The following ZNF786 variants were observed in gnomAD, a reference collection of about 807,000 sequenced individuals.
ZNF786 encodes the protein zinc finger protein 786.
ZNF786 carries 56 observed loss-of-function variants against 63.1 expected under a neutral mutation model. That is an observed-to-expected ratio of 0.89 (90% CI 0.72 to 1.11). The LOEUF (loss-of-function observed/expected upper bound fraction) is 1.11. Ranked by LOEUF, ZNF786 falls within the 50% of genes least tolerant of loss-of-function variation. The pLI, the probability that ZNF786 is intolerant of heterozygous loss-of-function variation, is 0.00. For missense variants in ZNF786, 1,213 were observed against 1,041.8 expected, an observed-to-expected ratio of 1.16 and a Z score of -2.26; for synonymous variants, 485 against 406.9, an observed-to-expected ratio of 1.19 and a Z score of -2.31.
Position 149,074,415 on chromosome 7 carries a change from T to C in ZNF786, c.269A>G (p.Asp90Gly). 6.2e-7 allele frequency: 1 copy of C among 1,613,868 alleles called. No individual in the cohort carries two copies. Among genetic ancestry groups the C allele is most frequent in the Non-Finnish European group, 8.5e-7 (1 of 1,179,836 alleles). The change falls in exon 3 of 4, where the codon GAT (aspartate) becomes GGT (glycine). Residue 90 changes from aspartate (D) to glycine (G), a missense_variant. Transcript: ENST00000491431. ...AAACAGCTGTTCCTCAAAACCTGGATCAAAATGCATATCAACAGAGGAGCA... is the reference window on the plus strand; with the variant it reads ...AAACAGCTGTTCCTCAAAACCTGGACCAAAATGCATATCAACAGAGGAGCA... ...IICSSVDMHF[D>G]PGFEEQLFWG...
chr7:149,076,573 G>A (rs893227689), intron 2 of ZNF786, among the ~76,000 whole-genome samples: 4 of 151,406 alleles, frequency 2.6e-5, no homozygotes, highest in African/African-American at 9.7e-5. Flanking sequence ...ACAAAAGTTA[G>A]CTGGGTGTGG....
chr7:149,075,819 T>A (rs1055925497), intron 2 of ZNF786, among the ~76,000 whole-genome samples: 5 of 151,814 alleles, frequency 3.3e-5, no homozygotes, highest in African/African-American at 1.2e-4. Context: ...GGAGCCACCA[T>A]GCTCAGCTAA....
At chr7:149,082,594 T>A in intron 1 of ZNF786, 3 of 618,184 alleles carry the variant, frequency 4.9e-6, no homozygotes, top group Non-Finnish European at 6.1e-6. Context: ...AATTTTTTTT[T>A]TTTTTGAGAC....
intron 2 of ZNF786, among the ~76,000 whole-genome samples, chr7:149,078,319 G>C (rs1262686801): frequency 6.6e-6 from 1 of 152,090 alleles, no homozygotes; most frequent in African/African-American, 2.4e-5. Context: ...TGATTCTTCA[G>C]TAACAATGAA....
chr7:149,080,781 C>G (rs1825638832), intron 1 of ZNF786, 64 bp from the exon 2 acceptor site: 1 of 1,523,838 alleles, frequency 6.6e-7, no homozygotes, highest in South Asian at 1.3e-5. Context: ...AGCTCCTTCT[C>G]CTTGTTAATT....
chr7:149,086,774 C>T (rs1825746037), intron 1 of ZNF786, among the ~76,000 whole-genome samples: 1 of 151,852 alleles, frequency 6.6e-6, no homozygotes, highest in South Asian at 2.1e-4. Flanking sequence ...AGCACCAAGA[C>T]ATTCATGAGG....
chr7:149,072,022 G>A lies in ZNF786; in HGVS notation c.750C>T (p.Arg250=), dbSNP rs200734618. ...GATGGCGCAGCAGACACAGCTTCCG[G>A]CGGAAGCTCTTACCGCACACGCCAC... The part of the protein sequence containing the change: ...FRCGVCGKSF[R]RKLCLLRHLA... The change falls in exon 4 of 4, where the codon CGC becomes CGT. Residue 250 remains arginine, a synonymous_variant. Transcript: ENST00000491431. 91 of 1,613,112 alleles carry A rather than the reference G, an allele frequency of 5.6e-5. No homozygotes were observed. In the East Asian group the frequency reaches 2.0e-3, roughly 36 times the overall value.
rs1238986771 is a variant in ZNF786 at position 149,070,543 on chromosome 7, G to C, written c.2229C>G (p.Tyr743Ter). The C allele has an allele frequency of 6.2e-7, 1 of 1,614,044 alleles. No individual in the cohort carries two copies. The highest frequency in any genetic ancestry group is 8.5e-7 in the Non-Finnish European group (1 of 1,179,908). The change falls in exon 4 of 4, where the codon TAC becomes TAG. Residue 743 changes from tyrosine (Y) to a stop codon, truncating the protein, a stop_gained. Transcript: ENST00000491431. LOFTEE classifies it high-confidence loss of function. ...ACGDCGKGFIYKSKLAEHIRV... is the reference protein window; with the variant it reads ...ACGDCGKGFI The stretch of plus-strand genomic sequence containing the variant: ...TGATGTGCTCCGCAAGCTTAGACTT[G>C]TAAATGAAGCCCTTCCCACAATCGC...
intron 2 of ZNF786, among the ~76,000 whole-genome samples, chr7:149,075,280 T>C (rs926159927): frequency 3.9e-5 from 6 of 152,190 alleles, no homozygotes; most frequent in Admixed American, 2.0e-4. Flanking sequence ...TCTCACTCTG[T>C]CTCTCAGGCT....
intron 1 of ZNF786, among the ~76,000 whole-genome samples, chr7:149,085,406 C>CA (rs1825718783): frequency 6.6e-6 from 1 of 152,150 alleles, no homozygotes; most frequent in Non-Finnish European, 1.5e-5. Context: ...CCATCTCTAC[C>CA]AAAACAGTAA....
intron 1 of ZNF786, among the ~76,000 whole-genome samples, chr7:149,081,987 C>G (rs1209480670): frequency 6.6e-6 from 1 of 152,188 alleles, no homozygotes; most frequent in Non-Finnish European, 1.5e-5. Context: ...ATCAAGAACT[C>G]AGTACCTTTT....
At chr7:149,073,816 T>G in intron 3 of ZNF786, among the ~76,000 whole-genome samples, 1 of 140,818 alleles carries the variant, frequency 7.1e-6, no homozygotes. Flanking sequence ...AGACTGAGAC[T>G]TGCTCCATCG....
Position 149,072,072 on chromosome 7 carries a change from G to A in ZNF786, c.700C>T (p.Pro234Ser). ...CACCGGAAGTGCCTCTGTACCCGAG[G>A]GCTGCTCCACGGCATCTGCGTCTCC... ...RAETQMPWSSPRVQRHFRCGV... is the reference protein window; with the variant it reads ...RAETQMPWSSSRVQRHFRCGV... Residue 234 changes from proline to serine, a missense_variant, in exon 4 of 4, where the codon CCT becomes TCT. Physicochemically the swap from Pro to Ser is moderately conservative, Grantham distance 74. Coordinates refer to ENST00000491431, the MANE Select transcript of ZNF786 (RefSeq NM_152411.4). The A allele has an allele frequency of 6.2e-7, 1 of 1,613,328 alleles. No individual in the cohort carries two copies.
chr7:149,070,580 G>C lies in ZNF786; in HGVS notation c.2192C>G (p.Pro731Arg). 1.9e-6 allele frequency: 3 copies of C among 1,613,986 alleles called. No homozygotes were observed. Among genetic ancestry groups the C allele is most frequent in the South Asian group, 2.2e-5 (2 of 91,082 alleles). Residue 731 changes from proline (P) to arginine (R), a missense_variant, in exon 4 of 4, where the codon CCC becomes CGC. Physicochemically the swap from Pro to Arg is moderately radical, Grantham distance 103 (BLOSUM62 -2). Transcript: ENST00000491431. ...RHQRIHRPER[P>R]FACGDCGKGF... ...CTTCCCACAATCGCCACAGGCAAAG[G>C]GCCTCTCGGGCCTGTGGATGCGCTG... is the stretch of plus-strand genomic sequence containing the variant.
At position 149,070,991 on chromosome 7, in the gene ZNF786, TGGAA is replaced by T. The variant is rs765637485; in HGVS notation, c.1777_1780del (p.Phe593SerfsTer11). 10 of 1,612,940 alleles carry T rather than the reference TGGAA, an allele frequency of 6.2e-6. No homozygotes were observed. Among genetic ancestry groups the T allele is most frequent in the East Asian group, 2.2e-5 (1 of 44,876 alleles). ...GAAGCTCCTGTTGCACTCTGGGCACTGGAAGGGTCTCTCCCCGCTGTGCACGCGC... is the reference window on the plus strand; with the variant it reads ...GAAGCTCCTGTTGCACTCTGGGCACTGGGTCTCTCCCCGCTGTGCACGCGC... On this transcript the variant is annotated frameshift_variant, in exon 4 of 4. Coordinates refer to ENST00000491431, the MANE Select transcript of ZNF786 (RefSeq NM_152411.4). LOFTEE classifies it high-confidence loss of function.
rs1185522949 is a variant in ZNF786 at position 149,071,710 on chromosome 7, C to T, written c.1062G>A (p.Gln354=). The T allele has an allele frequency of 6.3e-7, 1 of 1,580,244 alleles. No homozygotes were observed. Among genetic ancestry groups the T allele is most frequent in the South Asian group, 1.1e-5 (1 of 88,552 alleles). Residue 354 remains glutamine, a synonymous_variant, in exon 4 of 4, where the codon CAG becomes CAA. Coordinates refer to ENST00000491431, the MANE Select transcript of ZNF786 (RefSeq NM_152411.4). ...SRLPQEGNSH[Q]EGDTEALQHG... is the part of the protein sequence containing the mutation. ...GCTGCAGCGCCTCCGTGTCCCCTTC[C>T]TGGTGGCTGTTCCCCTCCTGGGGCA...
chr7:149,077,376 C>T (rs915555581), intron 2 of ZNF786, among the ~76,000 whole-genome samples: 11 of 152,164 alleles, frequency 7.2e-5, no homozygotes, highest in Non-Finnish European at 1.2e-4. Context: ...GCCTGTAATC[C>T]CAGCACTTTG....
At chr7:149,073,826 G>A (rs1211974618) in intron 3 of ZNF786, among the ~76,000 whole-genome samples, 1 of 132,340 alleles carries the variant, frequency 7.6e-6, no homozygotes, top group Non-Finnish European at 1.6e-5. Context: ...TTGCTCCATC[G>A]CCCAGGCTGG....
At chr7:149,084,351 C>CAA (rs60194366) in intron 1 of ZNF786, among the ~76,000 whole-genome samples, 968 of 62,008 alleles carry the variant, frequency 0.016, 13 homozygotes, top group African/African-American at 0.047. Flanking sequence ...AACTGCATCC[C>CAA]AAAAAAAAAA....
Sources: gnomAD v4.1 joint callset for allele counts (sites outside exome capture counted in the v4.1 genomes callset) on GRCh38, gnomAD v4.1.1 for gene constraint, MANE v1.5 for transcripts, NCBI Gene and HGNC (gene_info 2026-07-23, HGNC 2026-07-21) for gene names.